The following RHOT1 variants were observed in gnomAD, a reference collection of about 807,000 sequenced individuals.
RHOT1 encodes the protein ras homolog family member T1.
Under a neutral mutation model 95.3 loss-of-function variants are expected in RHOT1, and 27 were observed. The observed-to-expected ratio is 0.28, with a 90% confidence interval of 0.21 to 0.39. The LOEUF is 0.39. RHOT1 is among the 10% of genes least tolerant of loss of function. The pLI is 1.00. For synonymous variants in RHOT1, 227 were observed against 263.5 expected (o/e 0.86, Z 1.34); for missense variants, 578 against 786.7 (o/e 0.73, Z 3.17).
chr17:32,209,217 C>CT (rs1343570827), intron 18 of RHOT1: 2 of 450,802 alleles, frequency 4.4e-6, no homozygotes, highest in Non-Finnish European at 7.7e-6. Flanking sequence ...TTACCTAATA[C>CT]TTTTTTTAGA....
At chr17:32,201,278 G>C (rs2037299019) in intron 14 of RHOT1, among the ~76,000 whole-genome samples, 1 of 152,172 alleles carries the variant, frequency 6.6e-6, no homozygotes, top group Non-Finnish European at 1.5e-5. Flanking sequence ...TACTCCCTGG[G>C]GTTACTCCAC....
chr17:32,220,522 T>C (rs2038763092), intron 19 of RHOT1, among the ~76,000 whole-genome samples: 1 of 152,108 alleles, frequency 6.6e-6, no homozygotes, highest in African/African-American at 2.4e-5. Flanking sequence ...TTTGCAGCTG[T>C]GTAAAAAATA....
intron 1 of RHOT1, among the ~76,000 whole-genome samples, chr17:32,144,901 G>C (rs889096591): frequency 6.6e-6 from 1 of 151,936 alleles, no homozygotes; most frequent in African/African-American, 2.4e-5. Flanking sequence ...GCTGAGATGA[G>C]AGAATTGCTT....
Position 32,171,167 on chromosome 17 carries a change from A to C in RHOT1, c.96+66A>C, listed in dbSNP as rs1274510449. On this transcript the variant is annotated intron_variant, in intron 2 of 19. Coordinates refer to ENST00000545287, the MANE Select transcript of RHOT1 (RefSeq NM_001033566.3). Reference sequence around the variant, plus strand: ...ATCAAAATCAAATTAAAATGAACTGAATTCTGTCTCTTTTGGCATGTGTTA... The same window carrying C: ...ATCAAAATCAAATTAAAATGAACTGCATTCTGTCTCTTTTGGCATGTGTTA... 5.4e-6 allele frequency: 6 copies of C among 1,110,398 alleles called. No individual in the cohort carries two copies. The East Asian group carries it at 1.6e-4, about 29-fold the overall frequency. The allele number at this position is 1,110,398 out of a possible 1,614,324, so 68.8% of individuals were successfully genotyped here.
intron 1 of RHOT1, among the ~76,000 whole-genome samples, chr17:32,145,477 C>G (rs540629831): frequency 5.3e-5 from 8 of 152,186 alleles, no homozygotes; most frequent in African/African-American, 1.7e-4. Flanking sequence ...TTGTCTAACT[C>G]TGATTATCAT....
At chr17:32,217,753 CAA>C (rs1165768131) in intron 19 of RHOT1, among the ~76,000 whole-genome samples, 5 of 102,338 alleles carry the variant, frequency 4.9e-5, no homozygotes, top group Non-Finnish European at 2.0e-5. Flanking sequence ...GACTCCATCT[CAA>C]AAAAAAAAAA....
intron 1 of RHOT1, among the ~76,000 whole-genome samples, chr17:32,154,844 G>A (rs541780754): frequency 1.5e-4 from 22 of 151,700 alleles, no homozygotes; most frequent in South Asian, 2.1e-4. Flanking sequence ...GCAGTGAGCC[G>A]TGATCGTGCC....
chr17:32,147,775 G>C (rs959262555), intron 1 of RHOT1, among the ~76,000 whole-genome samples: 2 of 150,704 alleles, frequency 1.3e-5, no homozygotes, highest in African/African-American at 4.9e-5. Context: ...AGCGGAGATT[G>C]CGCACTGCAC....
chr17:32,220,119 C>T (rs1478814746), intron 19 of RHOT1, among the ~76,000 whole-genome samples: 1 of 152,160 alleles, frequency 6.6e-6, no homozygotes, highest in East Asian at 1.9e-4. Flanking sequence ...GTGGCTTATG[C>T]CTGTAATCCC....
At position 32,203,968 on chromosome 17, in the gene RHOT1, T is replaced by C; in HGVS notation, c.1411T>C (p.Leu471=). 1 of 1,599,512 alleles carries C rather than the reference T, an allele frequency of 6.3e-7. No homozygotes were observed. Among genetic ancestry groups the C allele is most frequent in the South Asian group, 1.1e-5 (1 of 88,878 alleles). The change falls in exon 16 of 20, where the codon TTG becomes CTG. Residue 471 remains leucine (L), a synonymous_variant. Coordinates refer to ENST00000545287, the MANE Select transcript of RHOT1 (RefSeq NM_001033566.3). The part of the protein sequence containing the change: ...TVYVYGQEKY[L]LLHDISESEF... ...TTATGTATATGGACAAGAGAAATACTTGTTGGTAAGAAATTCTGTGGCATA... is the reference window on the plus strand; with the variant it reads ...TTATGTATATGGACAAGAGAAATACCTGTTGGTAAGAAATTCTGTGGCATA...
At chr17:32,163,284 A>G (rs911136245) in intron 1 of RHOT1, among the ~76,000 whole-genome samples, 2 of 152,240 alleles carry the variant, frequency 1.3e-5, no homozygotes, top group Non-Finnish European at 2.9e-5. Flanking sequence ...TAAAAGTACC[A>G]TAATTAGGGA....
At chr17:32,162,078 A>AT (rs1164567580) in intron 1 of RHOT1, among the ~76,000 whole-genome samples, 1 of 152,068 alleles carries the variant, frequency 6.6e-6, no homozygotes, top group Non-Finnish European at 1.5e-5. Flanking sequence ...GGTAGATGTG[A>AT]TTAAGTCATT....
intron 1 of RHOT1, among the ~76,000 whole-genome samples, chr17:32,154,179 T>C (rs904944423): frequency 1.3e-5 from 2 of 149,968 alleles, no homozygotes; most frequent in African/African-American, 4.9e-5. Context: ...CAATGGCTCA[T>C]GCCTGTAACC....
chr17:32,180,697 C>CA (rs34530711), intron 6 of RHOT1, among the ~76,000 whole-genome samples: 2,191 of 77,640 alleles, frequency 0.028, 42 homozygotes, highest in Admixed American at 0.043. Context: ...TGTTTTAAGC[C>CA]AAAAAAAAAA....
chr17:32,198,941 C>T lies in RHOT1; in HGVS notation c.870-6C>T, dbSNP rs1480662251. On this transcript the variant is annotated splice_region_variant and splice_polypyrimidine_tract_variant and intron_variant, in intron 11 of 19. Coordinates refer to ENST00000545287, the MANE Select transcript of RHOT1 (RefSeq NM_001033566.3). ...GATTTATTTTACTCTTGAATTTTTT[C>T]AACAGGCTGAAAATACCTCCTGATT... 6.3e-7 allele frequency: 1 copy of T among 1,575,926 alleles called. No individual in the cohort carries two copies. Among genetic ancestry groups the T allele is most frequent in the African/African-American group, 1.4e-5 (1 of 73,700 alleles).
At chr17:32,150,345 C>T (rs1181780758) in intron 1 of RHOT1, 2 of 347,256 alleles carry the variant, frequency 5.8e-6, no homozygotes, top group Non-Finnish European at 1.0e-5. Context: ...TGAACTTTTG[C>T]TGCTAATGAA....
At chr17:32,198,924 T>G (rs778376162) in intron 11 of RHOT1, 23 bp from the exon 12 acceptor site, 1 of 1,468,982 alleles carries the variant, frequency 6.8e-7, no homozygotes, top group South Asian at 1.2e-5. Context: ...ATGATTTATT[T>G]TACTCTTGAA....
chr17:32,179,296 AC>A, intron 6 of RHOT1: 1 of 69,132 alleles, frequency 1.4e-5, no homozygotes, highest in East Asian at 4.5e-4. Flanking sequence ...CCCAGCTGCC[AC>A]CCCGTCTGGG....
chr17:32,163,204 T>C (rs73989711), intron 1 of RHOT1, among the ~76,000 whole-genome samples: 148 of 152,220 alleles, frequency 9.7e-4, no homozygotes, highest in African/African-American at 3.5e-3. Flanking sequence ...AGCATTTATA[T>C]TGTTGGTAGA....
Sources: allele counts gnomAD v4.1 joint callset (sites outside exome capture counted in the v4.1 genomes callset), GRCh38; gene constraint gnomAD v4.1.1; transcripts MANE v1.5; gene names NCBI Gene and HGNC (gene_info 2026-07-23, HGNC 2026-07-21).